Variants in DNAJC13 observed in about 807,000 individuals in gnomAD.
DNAJC13 encodes the protein dnaJ homolog subfamily C member 13.
Under a neutral mutation model 290.5 loss-of-function variants are expected in DNAJC13, and 75 were observed. The ratio of observed to expected loss-of-function variants is 0.26; its 90% CI spans 0.21 to 0.31. The LOEUF is 0.31. Ranked by LOEUF, DNAJC13 falls within the 10% of genes least tolerant of loss-of-function variation. The pLI, the probability that DNAJC13 is intolerant of heterozygous loss-of-function variation, is 1.00. For missense variants in DNAJC13, 2,260 were observed against 2,674.5 expected, an observed-to-expected ratio of 0.85 and a Z score of 3.42; for synonymous variants, 862 against 892.0, an observed-to-expected ratio of 0.97 and a Z score of 0.60.
intron 39 of DNAJC13, among the ~76,000 whole-genome samples, chr3:132,501,881 G>C (rs1935428724): frequency 6.6e-6 from 1 of 152,292 alleles, no homozygotes; most frequent in South Asian, 2.1e-4. Flanking sequence ...AATGTCCTTA[G>C]AAGTATTTGA....
chr3:132,507,401 A>C, intron 43 of DNAJC13, 48 bp downstream of exon 43: 2 of 1,058,812 alleles, frequency 1.9e-6, no homozygotes, highest in South Asian at 1.3e-5. Context: ...ATCATTTGTT[A>C]CTGAAAGTTA....
chr3:132,522,461 G>A (rs1478877544), intron 48 of DNAJC13, among the ~76,000 whole-genome samples: 1 of 152,194 alleles, frequency 6.6e-6, no homozygotes, highest in Non-Finnish European at 1.5e-5. Flanking sequence ...AGTTGGAAGG[G>A]ACAAGCCTGG....
intron 50 of DNAJC13, 140 bp downstream of exon 50, chr3:132,523,339 C>T: frequency 8.2e-7 from 1 of 1,219,252 alleles, no homozygotes; most frequent in Admixed American, 2.6e-5. Context: ...AGGCTTCAAA[C>T]ATAAAAATTG....
At chr3:132,445,060 A>T (rs905570856) in intron 2 of DNAJC13, among the ~76,000 whole-genome samples, 4 of 152,170 alleles carry the variant, frequency 2.6e-5, no homozygotes, top group Non-Finnish European at 5.9e-5. Context: ...TAGACAAGAG[A>T]AAAATGAAAA....
rs541307427 is a variant in DNAJC13, at chr3:132,468,192, GT to G, written c.2208+882del. 9.6e-4 allele frequency among the ~76,000 whole-genome samples: 146 copies of G among 152,264 alleles called. 1 individual carries two copies. Among genetic ancestry groups the G allele is most frequent in the African/African-American group, 3.2e-3 (135 of 41,558 alleles). On this transcript the variant is annotated intron_variant, in intron 20 of 55. Transcript: ENST00000260818. ...TAATGCATTCTTCTATCTATAATGG[GT>G]TTGGCAGTGGTTGAGTATGAATTGA...
At chr3:132,533,556 G>C (rs139654350) in intron 55 of DNAJC13, among the ~76,000 whole-genome samples, 5 of 151,624 alleles carry the variant, frequency 3.3e-5, no homozygotes, top group South Asian at 4.2e-4. Flanking sequence ...GGCTGGTCTC[G>C]GACTCCTGAC....
chr3:132,509,738 C>T (rs1271586428), intron 43 of DNAJC13, among the ~76,000 whole-genome samples: 2 of 152,174 alleles, frequency 1.3e-5, no homozygotes, highest in African/African-American at 2.4e-5. Context: ...GGTGACATTC[C>T]CACCAGCAAA....
Position 132,511,103 on chromosome 3 carries a change from A to G in DNAJC13, c.5152A>G (p.Ile1718Val), listed in dbSNP as rs541492731. The G allele has an allele frequency of 3.1e-6, 5 of 1,613,980 alleles. No homozygotes were observed. Among genetic ancestry groups the G allele is most frequent in the Non-Finnish European group, 4.2e-6 (5 of 1,179,894 alleles). Residue 1718 changes from isoleucine to valine, a missense_variant, in exon 44 of 56, where the codon ATA becomes GTA. Coordinates refer to ENST00000260818, the MANE Select transcript of DNAJC13 (RefSeq NM_015268.4). Reference protein sequence around the residue: ...KAFAASLLDYIGSQAQYLHTF... With the variant: ...KAFAASLLDYVGSQAQYLHTF... ...ATTTGCTGCAAGTCTCTTGGATTATATAGGCTCGCAGGCCCAATACTTGCA... is the reference window on the plus strand; with the variant it reads ...ATTTGCTGCAAGTCTCTTGGATTATGTAGGCTCGCAGGCCCAATACTTGCA...
chr3:132,518,101 C>T (rs1027955678), intron 48 of DNAJC13, among the ~76,000 whole-genome samples: 1 of 152,182 alleles, frequency 6.6e-6, no homozygotes, highest in African/African-American at 2.4e-5. Flanking sequence ...GATACATGTG[C>T]ACAACGTGCA....
At chr3:132,466,145 G>C in intron 18 of DNAJC13, 75 bp downstream of exon 18, 1 of 1,445,210 alleles carries the variant, frequency 6.9e-7, no homozygotes, top group Non-Finnish European at 9.7e-7. Flanking sequence ...ACTGTTAAAA[G>C]GGGATGGTTT....
At chr3:132,433,140 AATG>A (rs1472018355) in intron 1 of DNAJC13, among the ~76,000 whole-genome samples, 1 of 152,258 alleles carries the variant, frequency 6.6e-6, no homozygotes, top group South Asian at 2.1e-4. Context: ...GGAAGGCTAA[AATG>A]ATTATCTTCA....
At chr3:132,471,224 G>A (rs1470316455) in intron 20 of DNAJC13, among the ~76,000 whole-genome samples, 6 of 136,534 alleles carry the variant, frequency 4.4e-5, no homozygotes, top group Non-Finnish European at 9.7e-5. Context: ...CCCGGACGGG[G>A]CGGCTGGCCG....
In DNAJC13 at chr3:132,516,655, T is replaced by C. The variant is rs1362378429; in HGVS notation, c.5561-49T>C. 1.9e-6 allele frequency: 3 copies of C among 1,560,280 alleles called. No homozygotes were observed. The East Asian group carries it at 6.9e-5, about 36-fold the overall frequency. On this transcript the variant is annotated intron_variant, in intron 47 of 55. Transcript: ENST00000260818. ...AATATGGTTGAAAATGAATTCTGAT[T>C]AGAAAAGTCAAATTCTTTATAAGCA...
At chr3:132,517,682 G>GGA (rs1935958231) in intron 48 of DNAJC13, among the ~76,000 whole-genome samples, 1 of 152,058 alleles carries the variant, frequency 6.6e-6, no homozygotes, top group South Asian at 2.1e-4. Flanking sequence ...TGGGTAAGGA[G>GGA]GAGGCTAAGA....
chr3:132,437,539 C>G (rs1939413905), intron 2 of DNAJC13, among the ~76,000 whole-genome samples: 1 of 152,126 alleles, frequency 6.6e-6, no homozygotes, highest in African/African-American at 2.4e-5. Flanking sequence ...TGTGAATATC[C>G]AGTTGTGCCA....
chr3:132,483,236 A>G (rs1334939630), intron 27 of DNAJC13, 139 bp from the exon 28 acceptor site: 3 of 922,370 alleles, frequency 3.3e-6, no homozygotes, highest in Admixed American at 5.7e-5. Context: ...AAGGCCTGTC[A>G]ACAAAACTTA....
chr3:132,433,149 C>T (rs1262122845), intron 1 of DNAJC13, among the ~76,000 whole-genome samples: 19 of 152,198 alleles, frequency 1.2e-4, no homozygotes, highest in Admixed American at 1.1e-3. Flanking sequence ...AAATGATTAT[C>T]TTCAGATACA....
At chr3:132,503,419 G>A (rs1188182388) in intron 41 of DNAJC13, 38 bp downstream of exon 41, 1 of 1,610,284 alleles carries the variant, frequency 6.2e-7, no homozygotes, top group Non-Finnish European at 8.5e-7. Context: ...TTAATCAATA[G>A]TGCAAGATCC....
chr3:132,434,629 T>C lies in DNAJC13; in HGVS notation c.68+11T>C, dbSNP rs756219690. Reference sequence around the variant, plus strand: ...TTCATGGAGGGGGAAGTAAGTATTCTTGTTGGGTTTTTTTTTCTGTGCTTC... The same window carrying C: ...TTCATGGAGGGGGAAGTAAGTATTCCTGTTGGGTTTTTTTTTCTGTGCTTC... On this transcript the variant is annotated intron_variant, in intron 2 of 55. Transcript: ENST00000260818. 3 of 1,589,850 alleles carry C rather than the reference T, an allele frequency of 1.9e-6. No homozygotes were observed. Among genetic ancestry groups the C allele is most frequent in the South Asian group, 1.2e-5 (1 of 86,882 alleles).
Sources: gnomAD v4.1 joint callset for allele counts (sites outside exome capture counted in the v4.1 genomes callset) on GRCh38, gnomAD v4.1.1 for gene constraint, MANE v1.5 for transcripts, NCBI Gene and HGNC (gene_info 2026-07-23, HGNC 2026-07-21) for gene names.